Variants in CSMD1 observed in about 807,000 individuals in gnomAD.
CSMD1 encodes the protein CUB and Sushi multiple domains 1, also known as CUB and sushi domain-containing protein 1.
In CSMD1, 213 loss-of-function variants were observed where a neutral mutation model predicts 417.5. The observed-to-expected ratio is 0.51, with a 90% confidence interval of 0.46 to 0.57. The LOEUF is 0.57. Among genes scored for constraint, CSMD1 ranks in the 20% least tolerant of loss-of-function variants. The pLI is 0.00. For synonymous variants in CSMD1, 2,862 were observed against 1,736.8 expected, an observed-to-expected ratio of 1.65 and a Z score of -16.11; for missense variants, 6,923 against 4,529.7, an observed-to-expected ratio of 1.53 and a Z score of -15.17.
intron 1 of CSMD1, among the ~76,000 whole-genome samples, chr8:4,748,230 G>A (rs1315988599): frequency 2.6e-5 from 4 of 152,142 alleles, no homozygotes; most frequent in Non-Finnish European, 5.9e-5. Flanking sequence ...GAAACAAGAA[G>A]AAAAGCAATT....
chr8:4,261,806 C>G (rs147573706), intron 3 of CSMD1, among the ~76,000 whole-genome samples: 1 of 152,006 alleles, frequency 6.6e-6, no homozygotes, highest in Admixed American at 6.5e-5. Context: ...AATCATTTCT[C>G]AATATATCAC....
At chr8:3,202,573 C>G (rs927207850) in intron 31 of CSMD1, among the ~76,000 whole-genome samples, 1 of 152,178 alleles carries the variant, frequency 6.6e-6, no homozygotes, top group Non-Finnish European at 1.5e-5. Flanking sequence ...TTGGTATATA[C>G]TTACAAGCAA....
chr8:3,826,252 C>T (rs896598849), intron 5 of CSMD1, among the ~76,000 whole-genome samples: 28 of 151,948 alleles, frequency 1.8e-4, no homozygotes, highest in African/African-American at 6.8e-4. Flanking sequence ...TCTGGTCAGC[C>T]CAGGCACGGG....
At chr8:4,478,589 A>G (rs1800928165) in intron 2 of CSMD1, among the ~76,000 whole-genome samples, 1 of 152,222 alleles carries the variant, frequency 6.6e-6, no homozygotes, top group South Asian at 2.1e-4. Context: ...ATTAATAATG[A>G]AGCAAAAGAA....
intron 3 of CSMD1, among the ~76,000 whole-genome samples, chr8:4,164,464 A>T (rs1046267317): frequency 3.9e-5 from 6 of 152,130 alleles, no homozygotes; most frequent in African/African-American, 1.4e-4. Context: ...GCTTCCCAGA[A>T]ATGAACCCCT....
chr8:4,916,625 T>C (rs1362242671), intron 1 of CSMD1, among the ~76,000 whole-genome samples: 1 of 152,194 alleles, frequency 6.6e-6, no homozygotes. Context: ...GGAAACTCTG[T>C]AGTAATAACC....
At chr8:3,502,996 G>C (rs145469166) in intron 10 of CSMD1, among the ~76,000 whole-genome samples, 2 of 152,270 alleles carry the variant, frequency 1.3e-5, no homozygotes, top group Non-Finnish European at 2.9e-5. Flanking sequence ...TGTGGGGGCA[G>C]GGGGTACGGG....
chr8:4,785,296 G>A (rs1015242331), intron 1 of CSMD1, among the ~76,000 whole-genome samples: 1 of 152,114 alleles, frequency 6.6e-6, no homozygotes, highest in Non-Finnish European at 1.5e-5. Context: ...GGCACATTGG[G>A]CAAGTTACTG....
intron 62 of CSMD1, 108 bp downstream of exon 62, chr8:2,961,033 A>G (rs1803429880): frequency 1.9e-6 from 1 of 523,774 alleles, no homozygotes; most frequent in African/African-American, 2.0e-5. Flanking sequence ...TATTCAGGTA[A>G]ATATAACATG....
At chr8:2,973,027 T>C in intron 57 of CSMD1, 90 bp downstream of exon 57, 4 of 1,264,792 alleles carry the variant, frequency 3.2e-6, no homozygotes, top group Non-Finnish European at 4.4e-6. Flanking sequence ...TACAAACCTC[T>C]AGAATTTTTG....
At chr8:4,753,418 C>A (rs1811471307) in intron 1 of CSMD1, among the ~76,000 whole-genome samples, 1 of 67,304 alleles carries the variant, frequency 1.5e-5, no homozygotes, top group African/African-American at 4.2e-5. Flanking sequence ...CACACACACA[C>A]ACACACACAC....
rs923434848 is a variant in CSMD1, at chr8:4,546,169, G to C, written c.302+91173C>G. 3.9e-5 allele frequency among the ~76,000 whole-genome samples: 6 copies of C among 152,304 alleles called. No individual in the cohort carries two copies. In the Middle Eastern group the frequency reaches 0.017, roughly 432 times the overall value. On this transcript the variant is annotated intron_variant, in intron 2 of 69. Coordinates refer to ENST00000635120, the MANE Select transcript of CSMD1 (RefSeq NM_033225.6). ...ATCAAAATCCAATGAACATTTTTCA[G>C]TTTATTATGTCCTTGTTATATCTAC...
chr8:2,995,629 A>G (rs943194717), intron 54 of CSMD1, among the ~76,000 whole-genome samples: 7 of 152,240 alleles, frequency 4.6e-5, no homozygotes, highest in Admixed American at 4.6e-4. Flanking sequence ...TTGTGACAGC[A>G]AAGTCTGGAA....
intron 7 of CSMD1, among the ~76,000 whole-genome samples, chr8:3,673,126 G>C (rs139786537): frequency 3.3e-5 from 5 of 152,292 alleles, no homozygotes; most frequent in African/African-American, 1.2e-4. Flanking sequence ...AATTAATACA[G>C]AGTAGGAAGA....
chr8:4,880,887 G>C lies in CSMD1; in HGVS notation c.85+113445C>G, dbSNP rs376932339. On this transcript the variant is annotated intron_variant, in intron 1 of 69. Transcript: ENST00000635120. ...TAGTATTATTCATGCTTTATAGAAA[G>C]AGAATTTAAGAAATGTTACATTCCT... Among the ~76,000 whole-genome samples the C allele has an allele frequency of 5.9e-5, 9 of 152,066 alleles. No individual in the cohort carries two copies. In the East Asian group the frequency reaches 1.3e-3, roughly 23 times the overall value.
chr8:3,669,294 C>T (rs1798862519), intron 7 of CSMD1, among the ~76,000 whole-genome samples: 1 of 152,150 alleles, frequency 6.6e-6, no homozygotes, highest in Admixed American at 6.5e-5. Flanking sequence ...GTCATTTTGT[C>T]ATTGTGTTGC....
intron 8 of CSMD1, among the ~76,000 whole-genome samples, chr8:3,592,596 T>TA (rs1279967977): frequency 2.0e-5 from 3 of 152,060 alleles, no homozygotes; most frequent in African/African-American, 4.8e-5. Flanking sequence ...AGTATTTGCT[T>TA]AAGAGGAACA....
At chr8:3,623,031 C>T (rs916729665) in intron 7 of CSMD1, among the ~76,000 whole-genome samples, 2 of 152,096 alleles carry the variant, frequency 1.3e-5, no homozygotes, top group Admixed American at 6.6e-5. Context: ...AGTCAAAACC[C>T]TGTAGTTAAA....
At chr8:4,102,038 C>T (rs1801331020) in intron 3 of CSMD1, among the ~76,000 whole-genome samples, 1 of 152,174 alleles carries the variant, frequency 6.6e-6, no homozygotes. Flanking sequence ...ATGCAGAAAT[C>T]CCAAGTCAGT....
Sources: allele counts gnomAD v4.1 joint callset (sites outside exome capture counted in the v4.1 genomes callset), GRCh38; gene constraint gnomAD v4.1.1; transcripts MANE v1.5; gene names NCBI Gene and HGNC (gene_info 2026-07-23, HGNC 2026-07-21).